Variants in EFHD1 observed in about 807,000 individuals in gnomAD.
The protein encoded by EFHD1 is EF-hand domain-containing protein D1.
In EFHD1, 10 loss-of-function variants were observed where a neutral mutation model predicts 17.2. The ratio of observed to expected loss-of-function variants is 0.58; its 90% CI spans 0.36 to 0.99. The LOEUF (loss-of-function observed/expected upper bound fraction) is 0.99, where lower values mean the gene tolerates loss of function less well. Among genes scored for constraint, EFHD1 ranks in the 50% least tolerant of loss-of-function variants. The pLI is 0.01. For synonymous variants in EFHD1, 153 were observed against 142.0 expected (o/e 1.08, Z -0.55); for missense variants, 310 against 327.5 (o/e 0.95, Z 0.41).
intron 1 of EFHD1, among the ~76,000 whole-genome samples, chr2:232,620,595 C>T (rs1203479992): frequency 6.6e-6 from 1 of 151,860 alleles, no homozygotes; most frequent in African/African-American, 2.4e-5. Flanking sequence ...GTTGCCCAGC[C>T]AGGCCTTATT....
Position 232,625,296 on chromosome 2 carries a change from T to G in EFHD1, c.14+19123T>G, listed in dbSNP as rs1269594860. ...GGAACGCACCACCATGCCTGGCTAA[T>G]TTAAACATTTTTTTTTTTTTTTGGC... On this transcript the variant is annotated intron_variant, in intron 1 of 3. Transcript: ENST00000409613. Among the ~76,000 whole-genome samples, 3 of 145,258 alleles carry G rather than the reference T, an allele frequency of 2.1e-5. No homozygotes were observed. In the East Asian group the frequency reaches 5.8e-4, roughly 28 times the overall value.
chr2:232,636,181 AAC>A (rs1209395930), intron 1 of EFHD1, among the ~76,000 whole-genome samples: 1 of 152,220 alleles, frequency 6.6e-6, no homozygotes, highest in African/African-American at 2.4e-5. Context: ...AAGAAAATGT[AAC>A]ACACCAATTT....
chr2:232,609,833 G>A (rs923005892), intron 1 of EFHD1, among the ~76,000 whole-genome samples: 6 of 152,226 alleles, frequency 3.9e-5, no homozygotes, highest in Non-Finnish European at 1.5e-5. Context: ...GTGCCCTGAG[G>A]CCTCTGCAGG....
At chr2:232,678,409 A>G (rs1695216333) in intron 3 of EFHD1, among the ~76,000 whole-genome samples, 1 of 152,266 alleles carries the variant, frequency 6.6e-6, no homozygotes, top group South Asian at 2.1e-4. Context: ...TAAATTAAAT[A>G]TCTCAAAGGT....
At chr2:232,616,204 G>A (rs1693926267) in intron 1 of EFHD1, among the ~76,000 whole-genome samples, 1 of 152,140 alleles carries the variant, frequency 6.6e-6, no homozygotes, top group African/African-American at 2.4e-5. Context: ...TCGACAGGGA[G>A]GAAATTCTGA....
At chr2:232,619,363 T>A (rs1574701830) in intron 1 of EFHD1, among the ~76,000 whole-genome samples, 1 of 146,696 alleles carries the variant, frequency 6.8e-6, no homozygotes. Context: ...TAGGCTGGAG[T>A]GTGATGGCGC....
intron 1 of EFHD1, among the ~76,000 whole-genome samples, chr2:232,626,753 A>G (rs1694109276): frequency 6.6e-6 from 1 of 152,164 alleles, no homozygotes; most frequent in Admixed American, 6.5e-5. Context: ...GCCTGGAAGC[A>G]CAGCTGACAA....
chr2:232,681,903 G>A lies in EFHD1; in HGVS notation c.*184G>A. 1 of 941,674 alleles carries A rather than the reference G, an allele frequency of 1.1e-6. No homozygotes were observed. The highest frequency in any genetic ancestry group is 1.5e-6 in the Non-Finnish European group (1 of 663,860). 58.3% of individuals were successfully genotyped at this position (941,674 alleles called of 1,614,324 possible). The stretch of plus-strand genomic sequence containing the variant: ...GTCCAAGCCCCTCCAGGAGGGTCCT[G>A]GGGTGGGCCAGATGCCTGCCCACCT... On this transcript the variant is annotated 3_prime_UTR_variant, in exon 4 of 4. Coordinates refer to ENST00000264059, the MANE Select transcript of EFHD1 (RefSeq NM_025202.4).
chr2:232,610,920 T>TAATC (rs1693804707), intron 1 of EFHD1: 1 of 152,350 alleles, frequency 6.6e-6, no homozygotes, highest in African/African-American at 2.4e-5. Flanking sequence ...CTCACGCCTG[T>TAATC]AATCTCAGCA....
intron 3 of EFHD1, among the ~76,000 whole-genome samples, chr2:232,680,314 A>G (rs1271111699): frequency 2.0e-5 from 3 of 152,096 alleles, no homozygotes; most frequent in African/African-American, 7.2e-5. Context: ...TGGAAATTTT[A>G]TAAATTGAGA....
intron 1 of EFHD1, among the ~76,000 whole-genome samples, chr2:232,615,891 TGGTC>T (rs1009951767): frequency 3.0e-4 from 46 of 152,266 alleles, no homozygotes; most frequent in African/African-American, 1.1e-3. Context: ...TTCTTCTTGT[TGGTC>T]AGGCTGGTCT....
At chr2:232,660,748 C>T (rs1373325071) in intron 1 of EFHD1, among the ~76,000 whole-genome samples, 3 of 151,918 alleles carry the variant, frequency 2.0e-5, no homozygotes, top group African/African-American at 4.8e-5. Context: ...GAGGCCAAGG[C>T]GGGCGGATCA....
In EFHD1 at chr2:232,681,894, G is replaced by C; in HGVS notation, c.*175G>C. ...CCTCCCAGTGTCCAAGCCCCTCCAG[G>C]AGGGTCCTGGGGTGGGCCAGATGCC... On this transcript the variant is annotated 3_prime_UTR_variant, in exon 4 of 4. Coordinates refer to ENST00000264059, the MANE Select transcript of EFHD1 (RefSeq NM_025202.4). The C allele has an allele frequency of 9.3e-7, 1 of 1,079,690 alleles. No individual in the cohort carries two copies. The highest frequency in any genetic ancestry group is 1.7e-5 in the South Asian group (1 of 58,744). 66.9% of individuals were successfully genotyped at this position (1,079,690 alleles called of 1,614,324 possible). A position where few individuals can be genotyped will look rare whatever the true frequency, so the allele number is the denominator to read the frequency against.
At chr2:232,660,690 T>C (rs780379612) in intron 1 of EFHD1, among the ~76,000 whole-genome samples, 1 of 151,980 alleles carries the variant, frequency 6.6e-6, no homozygotes, top group Non-Finnish European at 1.5e-5. Flanking sequence ...AACATAAAAT[T>C]GACCAGGCCA....
chr2:232,666,554 A>G (rs1694970132), intron 2 of EFHD1, among the ~76,000 whole-genome samples: 1 of 152,182 alleles, frequency 6.6e-6, no homozygotes, highest in Non-Finnish European at 1.5e-5. Context: ...TCAGCGGCCA[A>G]CTGCAGGTGC....
chr2:232,610,477 A>G (rs2106180623), intron 1 of EFHD1, among the ~76,000 whole-genome samples: 1 of 152,322 alleles, frequency 6.6e-6, no homozygotes, highest in East Asian at 1.9e-4. Context: ...CAGGAGGCTG[A>G]GGCAGGAGAA....
intron 1 of EFHD1, among the ~76,000 whole-genome samples, chr2:232,624,653 A>G (rs773609199): frequency 6.6e-6 from 1 of 152,264 alleles, no homozygotes; most frequent in Non-Finnish European, 1.5e-5. Flanking sequence ...AAGTTGTGTG[A>G]ATCACTTTAA....
chr2:232,616,227 C>T (rs1312717630), intron 1 of EFHD1, among the ~76,000 whole-genome samples: 1 of 152,218 alleles, frequency 6.6e-6, no homozygotes, highest in African/African-American at 2.4e-5. Context: ...CCTGAGACAA[C>T]GTGGATGAAC....
At chr2:232,652,197 G>T (rs1434737340) in intron 1 of EFHD1, among the ~76,000 whole-genome samples, 3 of 152,216 alleles carry the variant, frequency 2.0e-5, no homozygotes, top group Non-Finnish European at 4.4e-5. Flanking sequence ...GGCGAACAAT[G>T]AATTCCTTTG....
Sources: allele counts gnomAD v4.1 joint callset (sites outside exome capture counted in the v4.1 genomes callset), GRCh38; gene constraint gnomAD v4.1.1; transcripts MANE v1.5; gene names NCBI Gene and HGNC (gene_info 2026-07-23, HGNC 2026-07-21).